NAA50: variants seen among roughly 807,000 people sequenced by gnomAD.
NAA50 encodes the protein N-alpha-acetyltransferase 50.
NAA50 carries 7 observed loss-of-function variants against 20.7 expected under a neutral mutation model. The observed-to-expected ratio is 0.34, with a 90% CI of 0.19 to 0.63. The LOEUF (loss-of-function observed/expected upper bound fraction) is 0.63, where lower values mean the gene tolerates loss of function less well. Among genes scored for constraint, NAA50 ranks in the 30% least tolerant of loss-of-function variants. NAA50 has a pLI of 0.75. For missense variants in NAA50, 111 were observed against 199.1 expected (o/e 0.56, Z 2.66); for synonymous variants, 54 against 70.6 (o/e 0.77, Z 1.18).
chr3:113,742,250 T>TA (rs1438481503), intron 1 of NAA50, among the ~76,000 whole-genome samples: 2 of 152,132 alleles, frequency 1.3e-5, no homozygotes, highest in Admixed American at 1.3e-4. Flanking sequence ...AATAAACCTT[T>TA]AAAAAAAGTT....
chr3:113,738,101 T>C (rs1239490373), intron 1 of NAA50, among the ~76,000 whole-genome samples: 1 of 152,146 alleles, frequency 6.6e-6, no homozygotes, highest in South Asian at 2.1e-4. Context: ...CCTGCAAGTA[T>C]CAGAGGTATA....
chr3:113,721,823 C>T lies in NAA50; in HGVS notation c.447G>A (p.Val149=), dbSNP rs145328358. Residue 149 remains valine, a synonymous_variant, in exon 5 of 5, where the codon GTG becomes GTA. Coordinates refer to ENST00000240922, the MANE Select transcript of NAA50 (RefSeq NM_025146.4). ...AAGGAACTTTGAGGTTTTTCTGCAG[C>T]ACATGAGCATCTGCGGGCTCTATCC... The part of the protein sequence containing the change: ...YKRIEPADAH[V]LQKNLKVPSG... 37 of 1,613,914 alleles carry T rather than the reference C, an allele frequency of 2.3e-5. No homozygotes were observed. Among genetic ancestry groups the T allele is most frequent in the Non-Finnish European group, 3.0e-5 (35 of 1,179,834 alleles).
Position 113,718,087 on chromosome 3 carries a change from T to G in NAA50, c.*3673A>C, listed in dbSNP as rs968355657. On this transcript the variant is annotated 3_prime_UTR_variant, in exon 5 of 5. Transcript: ENST00000240922. Reference sequence around the variant, plus strand: ...GAGGCTACGTCATAAAAAAGTATGGTTTCTGCTCACTTTCTTATATCACCT... The same window carrying G: ...GAGGCTACGTCATAAAAAAGTATGGGTTCTGCTCACTTTCTTATATCACCT... 6.6e-6 allele frequency: 1 copy of G among 152,188 alleles called. No individual in the cohort carries two copies. 9.4% of individuals were successfully genotyped at this position (152,188 alleles called of 1,614,324 possible). A position where few individuals can be genotyped will look rare whatever the true frequency, so the allele number is the denominator to read the frequency against.
chr3:113,726,976 G>A (rs1708207456), intron 1 of NAA50, among the ~76,000 whole-genome samples: 1 of 152,144 alleles, frequency 6.6e-6, no homozygotes, highest in Non-Finnish European at 1.5e-5. Flanking sequence ...ATTTTTTGTA[G>A]AGACAGGGTT....
At chr3:113,742,982 C>G (rs528354204) in intron 1 of NAA50, among the ~76,000 whole-genome samples, 2 of 152,262 alleles carry the variant, frequency 1.3e-5, no homozygotes, top group Non-Finnish European at 2.9e-5. Context: ...AAAAATATCA[C>G]CCACAAATTC....
At chr3:113,727,742 G>A (rs1375788249) in intron 1 of NAA50, among the ~76,000 whole-genome samples, 2 of 151,700 alleles carry the variant, frequency 1.3e-5, no homozygotes, top group Non-Finnish European at 1.5e-5. Flanking sequence ...TTCTATGCGC[G>A]TTATATATAT....
At position 113,746,212 on chromosome 3, in the gene NAA50, T is replaced by C. The variant is rs1290846007; in HGVS notation, c.-263A>G. ...GGGTCTCTCGGCTCCCTCCCGCCGC[T>C]GCCGCCAGCCAGACCCGCTGCCGCG... is the stretch of plus-strand genomic sequence containing the variant. On this transcript the variant is annotated 5_prime_UTR_variant, in exon 1 of 5. Coordinates refer to ENST00000240922, the MANE Select transcript of NAA50 (RefSeq NM_025146.4). The C allele has an allele frequency of 2.3e-6, 1 of 439,522 alleles. No homozygotes were observed. Among genetic ancestry groups the C allele is most frequent in the Non-Finnish European group, 4.0e-6 (1 of 247,572 alleles). 27.2% of individuals were successfully genotyped at this position (439,522 alleles called of 1,614,324 possible). A position where few individuals can be genotyped will look rare whatever the true frequency, so the allele number is the denominator to read the frequency against.
At chr3:113,722,819 A>T in intron 4 of NAA50, 87 bp downstream of exon 4, 1 of 1,403,692 alleles carries the variant, frequency 7.1e-7, no homozygotes, top group South Asian at 1.4e-5. Flanking sequence ...AAGGCACAAT[A>T]AGTGACCAGA....
rs1469936064 is a variant in NAA50, at chr3:113,746,216, G to T, written c.-267C>A. 2.1e-6 allele frequency: 1 copy of T among 480,962 alleles called. No individual in the cohort carries two copies. Among genetic ancestry groups the T allele is most frequent in the African/African-American group, 2.1e-5 (1 of 48,092 alleles). The allele number at this position is 480,962 out of a possible 1,614,324, so 29.8% of individuals were successfully genotyped here. On this transcript the variant is annotated 5_prime_UTR_variant, in exon 1 of 5. Coordinates refer to ENST00000240922, the MANE Select transcript of NAA50 (RefSeq NM_025146.4). ...CTCTCGGCTCCCTCCCGCCGCTGCC[G>T]CCAGCCAGACCCGCTGCCGCGCTGT... is the stretch of plus-strand genomic sequence containing the variant.
intron 1 of NAA50, chr3:113,724,463 T>C (rs1302230348): frequency 6.3e-6 from 1 of 159,780 alleles, no homozygotes; most frequent in Non-Finnish European, 1.4e-5. Context: ...CTTCTAGTAA[T>C]TTATTCTAAG....
At chr3:113,745,625 A>C in intron 1 of NAA50, 6 of 350,146 alleles carry the variant, frequency 1.7e-5, no homozygotes, top group East Asian at 4.7e-5. Context: ...GCTCCCGGGA[A>C]GGAGGCCCCG....
rs1559737303 is a variant in NAA50, at chr3:113,723,468, G to A, written c.219C>T (p.Tyr73=). Residue 73 remains tyrosine (Y), a synonymous_variant, in exon 3 of 5, where the codon TAC becomes TAT. Transcript: ENST00000240922. The stretch of plus-strand genomic sequence containing the variant: ...GTGCCAGACATCCTAGTGTCATGAT[G>A]TAAAGTCTCTTCTGATTCTGTGAAT... ...VDHSQNQKRL[Y]IMTLGCLAPY... 1 of 1,612,822 alleles carries A rather than the reference G, an allele frequency of 6.2e-7. No individual in the cohort carries two copies. Among genetic ancestry groups the A allele is most frequent in the Non-Finnish European group, 8.5e-7 (1 of 1,179,364 alleles).
chr3:113,745,675 C>G, intron 1 of NAA50: 1 of 459,114 alleles, frequency 2.2e-6, no homozygotes, highest in Non-Finnish European at 3.8e-6. Context: ...CCCACTCGGT[C>G]GCTTCTCCCC....
In NAA50 at chr3:113,733,411, A is replaced by G. The variant is rs150396834; in HGVS notation, c.9-9316T>C. Among the ~76,000 whole-genome samples the G allele has an allele frequency of 4.7e-3, 708 of 152,210 alleles. 15 individuals carry two copies. The highest frequency in any genetic ancestry group is 0.033 in the Admixed American group (512 of 15,286). ...CATTTCAGCCAACTGCAATTTGTGAACCTTTCTGGATTCTAATGTGAAAAA... is the reference window on the plus strand; with the variant it reads ...CATTTCAGCCAACTGCAATTTGTGAGCCTTTCTGGATTCTAATGTGAAAAA... On this transcript the variant is annotated intron_variant, in intron 1 of 4. Transcript: ENST00000240922.
intron 1 of NAA50, chr3:113,745,657 C>A (rs759891829): frequency 7.0e-5 from 30 of 430,638 alleles, no homozygotes; most frequent in Middle Eastern, 5.4e-4. Context: ...ATAGCCTTTC[C>A]ATGTTGCCCC....
chr3:113,726,442 C>CT (rs1431437583), intron 1 of NAA50, among the ~76,000 whole-genome samples: 9 of 151,114 alleles, frequency 6.0e-5, no homozygotes, highest in Non-Finnish European at 1.5e-5. Flanking sequence ...ACTTTTCTGA[C>CT]TAAAATCTAC....
intron 1 of NAA50, among the ~76,000 whole-genome samples, chr3:113,731,271 C>T (rs987328976): frequency 6.6e-6 from 1 of 151,996 alleles, no homozygotes; most frequent in Non-Finnish European, 1.5e-5. Context: ...CAGTCTATGG[C>T]TTTTTTCATT....
In NAA50 at chr3:113,718,602, A is replaced by AC. The variant is rs1233356626; in HGVS notation, c.*3157dup. On this transcript the variant is annotated 3_prime_UTR_variant, in exon 5 of 5. Transcript: ENST00000240922. ...AAGCCAATTCCCAACTCATTGAACT[A>AC]CCGTACTCCTTCCTTACAAGGAAGA... The AC allele has an allele frequency of 4.6e-5, 7 of 152,236 alleles. No individual in the cohort carries two copies. The East Asian group carries it at 1.3e-3, about 29-fold the overall frequency. The allele number at this position is 152,236 out of a possible 1,614,324, so 9.4% of individuals were successfully genotyped here. A position where few individuals can be genotyped will look rare whatever the true frequency, so the allele number is the denominator to read the frequency against.
intron 4 of NAA50, among the ~76,000 whole-genome samples, chr3:113,722,351 A>T (rs1708145833): frequency 6.6e-6 from 1 of 152,160 alleles, no homozygotes. Context: ...TTTAAAAATT[A>T]AAAACGCAAG....
Sources: allele counts gnomAD v4.1 joint callset (sites outside exome capture counted in the v4.1 genomes callset), GRCh38; gene constraint gnomAD v4.1.1; transcripts MANE v1.5; gene names NCBI Gene and HGNC (gene_info 2026-07-23, HGNC 2026-07-21).